The following PI4K2A variants were observed in gnomAD, a reference collection of about 807,000 sequenced individuals.
PI4K2A encodes phosphatidylinositol 4-kinase type 2-alpha.
Under a neutral mutation model 55.0 loss-of-function variants are expected in PI4K2A, and 20 were observed. That is an observed-to-expected ratio of 0.36 (90% CI 0.26 to 0.53). The LOEUF is 0.53. Ranked by LOEUF, PI4K2A falls within the 20% of genes least tolerant of loss-of-function variation. The pLI is 0.91. For synonymous variants in PI4K2A, 235 were observed against 258.5 expected (o/e 0.91, Z 0.87); for missense variants, 463 against 637.1 (o/e 0.73, Z 2.94).
In PI4K2A at chr10:97,645,335, G is replaced by A. The variant is rs563180847; in HGVS notation, c.435+4158G>A. 9.2e-5 allele frequency among the ~76,000 whole-genome samples: 14 copies of A among 152,182 alleles called. No homozygotes were observed. The Middle Eastern group carries it at 0.024, about 259-fold the overall frequency. ...GGCTATAAGAGTTGGTAGATGGGGC[G>A]CAGTGGTTCACGCCTGTAATCCCAG... On this transcript the variant is annotated intron_variant, in intron 1 of 8. Transcript: ENST00000370631.
exon 9 of PI4K2A, chr10:97,674,167 AG>A (rs2041649630): frequency 6.4e-6 from 1 of 155,866 alleles, no homozygotes; most frequent in South Asian, 2.0e-4. Context: ...CCTTTAATCC[AG>A]GCCTAAATTT....
chr10:97,650,696 G>A (rs1159057921), intron 1 of PI4K2A, among the ~76,000 whole-genome samples: 1 of 152,202 alleles, frequency 6.6e-6, no homozygotes, highest in Non-Finnish European at 1.5e-5. Flanking sequence ...GAGGGAAAAA[G>A]GAGCAAGGAA....
At chr10:97,651,091 G>A (rs1347602584) in exon 2 of PI4K2A, 1 of 1,613,772 alleles carries the variant, frequency 6.2e-7, no homozygotes, top group Non-Finnish European at 8.5e-7. Flanking sequence ...AGAAGCAGGG[G>A]CCAGCCTGGT....
At chr10:97,648,894 C>T (rs2041517708) in intron 1 of PI4K2A, among the ~76,000 whole-genome samples, 1 of 152,170 alleles carries the variant, frequency 6.6e-6, no homozygotes, top group Non-Finnish European at 1.5e-5. Flanking sequence ...ATGCATTTTG[C>T]ATTTGCCAGT....
At chr10:97,648,410 C>T (rs2135753557) in intron 1 of PI4K2A, among the ~76,000 whole-genome samples, 1 of 152,224 alleles carries the variant, frequency 6.6e-6, no homozygotes, top group South Asian at 2.1e-4. Context: ...GTGACAGAGT[C>T]TTGTGGTATT....
intron 1 of PI4K2A, among the ~76,000 whole-genome samples, chr10:97,650,277 C>CTTTTTT (rs2041524379): frequency 8.6e-5 from 5 of 58,250 alleles, no homozygotes; most frequent in Non-Finnish European, 1.3e-4. Flanking sequence ...GGCTTCTGTA[C>CTTTTTT]CTTTTTTTTT....
Position 97,641,185 on chromosome 10 carries a change from C to T in PI4K2A, c.435+8C>T, listed in dbSNP as rs764800421. On this transcript the variant is annotated splice_region_variant and intron_variant, in intron 1 of 8. Transcript: ENST00000370631. ...GTCAAGGACCCTCAGGGGGTGAGTG[C>T]GGGGGTGGGGACCGCCGCCGCGGGC... The T allele has an allele frequency of 1.3e-6, 2 of 1,591,780 alleles. No individual in the cohort carries two copies. Among genetic ancestry groups the T allele is most frequent in the Non-Finnish European group, 8.5e-7 (1 of 1,173,100 alleles).
exon 9 of PI4K2A, chr10:97,674,793 G>A (rs1444908319): frequency 6.6e-6 from 1 of 152,208 alleles, no homozygotes; most frequent in Non-Finnish European, 1.5e-5. Flanking sequence ...TGCTACCGCT[G>A]CTGCTTGGTG....
chr10:97,657,659 C>T, intron 4 of PI4K2A, among the ~76,000 whole-genome samples: 1 of 139,068 alleles, frequency 7.2e-6, no homozygotes, highest in East Asian at 2.2e-4. Flanking sequence ...CAGAGCAAGA[C>T]TCTGTTTCCA....
chr10:97,646,445 G>A lies in PI4K2A; in HGVS notation c.436-4496G>A, dbSNP rs572169012. ...TTGGCCAGGGTGGTCTCAAACTCCT[G>A]ATCTCAGGTGATCCACCCGCTTTGG... On this transcript the variant is annotated intron_variant, in intron 1 of 8. Coordinates refer to ENST00000370631, the Ensembl canonical transcript of PI4K2A. Among the ~76,000 whole-genome samples, 33 of 152,132 alleles carry A rather than the reference G, an allele frequency of 2.2e-4. No individual in the cohort carries two copies. The East Asian group carries it at 4.4e-3, about 21-fold the overall frequency.
intron 8 of PI4K2A, among the ~76,000 whole-genome samples, chr10:97,670,927 TG>T (rs1416190976): frequency 6.6e-6 from 1 of 151,698 alleles, no homozygotes; most frequent in Non-Finnish European, 1.5e-5. Flanking sequence ...CACCTGAGGT[TG>T]GGAGTTCGAG....
intron 4 of PI4K2A, among the ~76,000 whole-genome samples, chr10:97,657,355 C>T (rs1275476637): frequency 6.6e-6 from 1 of 152,054 alleles, no homozygotes; most frequent in Admixed American, 6.6e-5. Context: ...GTAAAATGTA[C>T]ATGTATTGAG....
chr10:97,668,854 G>A (rs2041622196), intron 8 of PI4K2A, among the ~76,000 whole-genome samples: 2 of 151,892 alleles, frequency 1.3e-5, no homozygotes, highest in African/African-American at 4.8e-5. Context: ...TCCCTGGAAG[G>A]GGGTTGGACA....
intron 1 of PI4K2A, among the ~76,000 whole-genome samples, chr10:97,642,846 C>CTTT (rs1491514308): frequency 0.012 from 683 of 59,202 alleles, 72 homozygotes; most frequent in African/African-American, 0.043. Context: ...TTCCTTCCTT[C>CTTT]CTTCCTTTCT....
rs1297005137 is a variant in PI4K2A at position 97,656,949 on chromosome 10, G to T, written c.897G>T (p.Val299=). ...TGCTCCAGTTTGAGCGGTTGGTGGT[G>T]CTGGATTACATCATCCGCAACACTG... is the stretch of plus-strand genomic sequence containing the variant. The change falls in exon 4 of 9, where the codon GTG becomes GTT. Residue 299 remains valine, a synonymous_variant. Transcript: ENST00000370631. The surrounding 1 kb of genome is among the most constrained non-coding windows in gnomAD (Gnocchi z 4.5). The T allele has an allele frequency of 3.1e-6, 5 of 1,614,180 alleles. No individual in the cohort carries two copies. Among genetic ancestry groups the T allele is most frequent in the Non-Finnish European group, 4.2e-6 (5 of 1,180,020 alleles).
At chr10:97,644,371 G>T (rs978354238) in intron 1 of PI4K2A, among the ~76,000 whole-genome samples, 3 of 151,978 alleles carry the variant, frequency 2.0e-5, no homozygotes, top group South Asian at 2.1e-4. Flanking sequence ...CAAAAGAAAA[G>T]AATTTCTAAA....
chr10:97,667,215 C>A, intron 8 of PI4K2A, 95 bp downstream of exon 8: 1 of 884,800 alleles, frequency 1.1e-6, no homozygotes, highest in East Asian at 2.5e-5. Flanking sequence ...TTTATACCCC[C>A]CCCTTTTTTT....
chr10:97,665,928 G>C (rs1367753140), intron 6 of PI4K2A, among the ~76,000 whole-genome samples: 4 of 152,110 alleles, frequency 2.6e-5, no homozygotes, highest in Non-Finnish European at 4.4e-5. Context: ...TATTGTTTTA[G>C]TGTATATTTC....
chr10:97,659,470 C>T (rs1230391341), intron 4 of PI4K2A, among the ~76,000 whole-genome samples: 1 of 151,350 alleles, frequency 6.6e-6, no homozygotes, highest in Non-Finnish European at 1.5e-5. Context: ...CATAATTTTC[C>T]CTCTTTTTTT....
Sources: allele counts gnomAD v4.1 joint callset (sites outside exome capture counted in the v4.1 genomes callset), GRCh38; gene constraint gnomAD v4.1.1; non-coding constraint Gnocchi (gnomAD v3.1); transcripts MANE v1.5; gene names NCBI Gene and HGNC (gene_info 2026-07-23, HGNC 2026-07-21).